Variants in PLXNC1 observed in about 807,000 individuals in gnomAD.
PLXNC1 encodes the protein plexin-C1.
A neutral mutation model predicts 178.2 loss-of-function variants in PLXNC1; 75 were observed. The observed-to-expected ratio is 0.42, with a 90% CI of 0.35 to 0.51. PLXNC1 has a LOEUF of 0.51. Among genes scored for constraint, PLXNC1 ranks in the 20% least tolerant of loss-of-function variants. The probability of loss-of-function intolerance (pLI) is 0.02; values close to 1 mark genes in which losing one functional copy is unlikely to be tolerated. For missense variants in PLXNC1, 1,503 were observed against 1,984.4 expected, an observed-to-expected ratio of 0.76 and a Z score of 4.61; for synonymous variants, 790 against 779.9, an observed-to-expected ratio of 1.01 and a Z score of -0.22.
intron 9 of PLXNC1, among the ~76,000 whole-genome samples, chr12:94,228,812 C>T (rs956016958): frequency 2.6e-5 from 4 of 152,136 alleles, no homozygotes; most frequent in South Asian, 2.1e-4. Context: ...CATGGATTAA[C>T]GCTTGGGTCG....
Position 94,148,998 on chromosome 12 carries a change from G to GCCGCGCCCC in PLXNC1, c.37_45dup (p.Pro13_Pro15dup), listed in dbSNP as rs908678174. The GCCGCGCCCC allele has an allele frequency of 4.1e-6, 6 of 1,453,696 alleles. 1 individual carries two copies. The highest frequency in any genetic ancestry group is 2.6e-5 in the Admixed American group (1 of 39,186). The allele number at this position is 1,453,696 out of a possible 1,614,324, so 90.0% of individuals were successfully genotyped here. Reference sequence around the variant, plus strand: ...TGGAGGTCTCCCGGAGGAAGGCGCCGCCGCGCCCCCCGCGCCCCGCAGCGC... The same window carrying GCCGCGCCCC: ...TGGAGGTCTCCCGGAGGAAGGCGCCGCCGCGCCCCCCGCGCCCCCCGCGCCCCGCAGCGC... On this transcript the variant is annotated inframe_insertion, in exon 1 of 31. Coordinates refer to ENST00000258526, the MANE Select transcript of PLXNC1 (RefSeq NM_005761.3). This position sits in a 1 kb window ranked among gnomAD's most constrained non-coding sequence, Gnocchi z 4.8.
At chr12:94,180,800 A>G (rs1012726247) in intron 2 of PLXNC1, among the ~76,000 whole-genome samples, 2 of 152,364 alleles carry the variant, frequency 1.3e-5, no homozygotes, top group South Asian at 4.1e-4. Flanking sequence ...CTCTTGAGAC[A>G]GCACTAATGA....
chr12:94,259,514 A>T, intron 18 of PLXNC1, 96 bp from the exon 19 acceptor site: 1 of 1,164,090 alleles, frequency 8.6e-7, no homozygotes, highest in Non-Finnish European at 1.2e-6. Context: ...ATATTGAATA[A>T]TTCATTGTCT....
chr12:94,177,201 G>GTATA (rs201569205), intron 2 of PLXNC1, among the ~76,000 whole-genome samples: 31 of 61,670 alleles, frequency 5.0e-4, no homozygotes, highest in African/African-American at 1.5e-3. Context: ...ATATATATAC[G>GTATA]TATATATATA....
intron 3 of PLXNC1, among the ~76,000 whole-genome samples, chr12:94,184,616 T>A (rs1406367959): frequency 6.7e-6 from 1 of 148,658 alleles, no homozygotes; most frequent in Non-Finnish European, 1.5e-5. Context: ...AGAGACAGAG[T>A]TGGCCAGACT....
chr12:94,188,022 G>A (rs1962584836), intron 4 of PLXNC1, among the ~76,000 whole-genome samples: 2 of 151,966 alleles, frequency 1.3e-5, no homozygotes. Context: ...AGGAAAAACT[G>A]GAGAGGGTGG....
chr12:94,187,027 G>A (rs1962537186), intron 4 of PLXNC1, among the ~76,000 whole-genome samples: 2 of 152,226 alleles, frequency 1.3e-5, no homozygotes, highest in South Asian at 4.1e-4. Flanking sequence ...GCTCAGGGGC[G>A]ACTCGGAGCG....
At chr12:94,272,778 G>A (rs1201527251) in intron 21 of PLXNC1, among the ~76,000 whole-genome samples, 3 of 152,208 alleles carry the variant, frequency 2.0e-5, no homozygotes, top group African/African-American at 7.2e-5. Flanking sequence ...CAGAAGCTCT[G>A]TAAAAATGTC....
At chr12:94,180,790 C>T (rs1179536487) in intron 2 of PLXNC1, among the ~76,000 whole-genome samples, 1 of 152,198 alleles carries the variant, frequency 6.6e-6, no homozygotes, top group Admixed American at 6.5e-5. Context: ...TTTCCAGTCT[C>T]TCTTGAGACA....
chr12:94,242,279 GTA>G (rs1964410734), intron 11 of PLXNC1, among the ~76,000 whole-genome samples: 1 of 141,656 alleles, frequency 7.1e-6, no homozygotes. Context: ...TCTTCCCTCT[GTA>G]TCTCTGTCCT....
intron 4 of PLXNC1, among the ~76,000 whole-genome samples, chr12:94,202,795 C>G (rs79833316): frequency 2.0e-5 from 3 of 152,130 alleles, no homozygotes; most frequent in Admixed American, 2.0e-4. Context: ...ACTCATCAAC[C>G]AAACTTACCT....
rs999234894 is a variant in PLXNC1 at position 94,260,055 on chromosome 12, C to T, written c.3251+321C>T. 6.6e-6 allele frequency among the ~76,000 whole-genome samples: 1 copy of T among 152,130 alleles called. No individual in the cohort carries two copies. The highest frequency in any genetic ancestry group is 2.4e-5 in the African/African-American group (1 of 41,414). The stretch of plus-strand genomic sequence containing the variant: ...CTCTCCATTTTAGATCATACCACCC[C>T]AACACAATTTTTTTGTTGTTGTTGT... On this transcript the variant is annotated intron_variant, in intron 19 of 30. Transcript: ENST00000258526. The surrounding 1 kb of genome is among the most constrained non-coding windows in gnomAD (Gnocchi z 4.4).
At chr12:94,203,561 G>T (rs1238551163) in intron 4 of PLXNC1, among the ~76,000 whole-genome samples, 2 of 152,120 alleles carry the variant, frequency 1.3e-5, no homozygotes, top group Non-Finnish European at 2.9e-5. Context: ...TTGTGATGTC[G>T]CTGCCCTGGA....
At chr12:94,169,093 T>G in intron 1 of PLXNC1, 60 bp from the exon 2 acceptor site, 348 of 1,434,678 alleles carry the variant, frequency 2.4e-4, no homozygotes, top group Non-Finnish European at 3.0e-4. Context: ...ATCAGTATAA[T>G]GAGAACTATT....
chr12:94,245,727 A>C (rs1964511934), intron 12 of PLXNC1, among the ~76,000 whole-genome samples: 1 of 152,176 alleles, frequency 6.6e-6, no homozygotes, highest in Non-Finnish European at 1.5e-5. Context: ...CAGAGGACAG[A>C]GTCCTCGCAG....
Position 94,149,940 on chromosome 12 carries a change from C to T in PLXNC1, c.969C>T (p.Pro323=). The T allele has an allele frequency of 6.3e-7, 1 of 1,586,996 alleles. No individual in the cohort carries two copies. Among genetic ancestry groups the T allele is most frequent in the Non-Finnish European group, 8.6e-7 (1 of 1,167,708 alleles). ...GAGAGGGCCAGGAGCGGCGCTCCCCCACCACCACGGCGCTCTGCCTCTTCA... is the reference window on the plus strand; with the variant it reads ...GAGAGGGCCAGGAGCGGCGCTCCCCTACCACCACGGCGCTCTGCCTCTTCA... ...AAGEGQERRS[P]TTTALCLFRM... The change falls in exon 1 of 31, where the codon CCC becomes CCT. Residue 323 remains proline, a synonymous_variant. Coordinates refer to ENST00000258526, the MANE Select transcript of PLXNC1 (RefSeq NM_005761.3).
chr12:94,166,563 T>C (rs1291625337), intron 1 of PLXNC1, among the ~76,000 whole-genome samples: 2 of 142,278 alleles, frequency 1.4e-5, no homozygotes, highest in Non-Finnish European at 3.1e-5. Context: ...ATTATTATTA[T>C]TATTACTATC....
Position 94,279,529 on chromosome 12 carries a change from A to G in PLXNC1, c.3655A>G (p.Asn1219Asp). 6.2e-7 allele frequency: 1 copy of G among 1,614,210 alleles called. No individual in the cohort carries two copies. Among genetic ancestry groups the G allele is most frequent in the Non-Finnish European group, 8.5e-7 (1 of 1,180,004 alleles). ...PENESADVCR[N>D]ISVNVLDCDT... ...AAACGAGAGTGCAGATGTCTGTCGG[A>G]ATATTTCAGTCAATGTTCTCGACTG... Residue 1219 changes from asparagine (N) to aspartate (D), a missense_variant, in exon 22 of 31, where the codon AAT becomes GAT. Asn to Asp is a conservative substitution (Grantham distance 23, BLOSUM62 1). This residue lies in a region of PLXNC1 where 639 missense variants were observed against 979.7 expected (regional missense o/e 0.65). Transcript: ENST00000258526.
chr12:94,229,663 C>A (rs1334443737), intron 9 of PLXNC1, among the ~76,000 whole-genome samples: 1 of 152,120 alleles, frequency 6.6e-6, no homozygotes, highest in Non-Finnish European at 1.5e-5. Context: ...TGTCCTTTCC[C>A]CCATTGAATG....
Sources: allele counts gnomAD v4.1 joint callset (sites outside exome capture counted in the v4.1 genomes callset), GRCh38; gene constraint gnomAD v4.1.1; regional missense constraint gnomAD v4.1.1; non-coding constraint Gnocchi (gnomAD v3.1); transcripts MANE v1.5; gene names NCBI Gene and HGNC (gene_info 2026-07-23, HGNC 2026-07-21).